The following ZNF704 variants were observed in gnomAD, a reference collection of about 807,000 sequenced individuals.
ZNF704 encodes the protein glucocorticoid induced gene 1.
ZNF704 carries 10 observed loss-of-function variants against 44.7 expected under a neutral mutation model. The observed-to-expected ratio is 0.22, with a 90% confidence interval of 0.14 to 0.38. ZNF704 has a LOEUF of 0.38. Among genes scored for constraint, ZNF704 ranks in the 10% least tolerant of loss-of-function variants. ZNF704 has a pLI of 1.00. For missense variants in ZNF704, 390 were observed against 545.5 expected (o/e 0.71, Z 2.84); for synonymous variants, 211 against 207.6 (o/e 1.02, Z -0.14).
At chr8:80,724,413 T>C (rs991091494) in intron 2 of ZNF704, among the ~76,000 whole-genome samples, 3 of 152,226 alleles carry the variant, frequency 2.0e-5, no homozygotes, top group Admixed American at 2.0e-4. Flanking sequence ...CATCCAACCA[T>C]ATACCTTTTC....
chr8:80,797,778 A>G (rs1401685632), intron 2 of ZNF704, among the ~76,000 whole-genome samples: 1 of 152,060 alleles, frequency 6.6e-6, no homozygotes, highest in African/African-American at 2.4e-5. Flanking sequence ...TCTCTTAATC[A>G]TCCCTTCTCT....
chr8:80,773,714 A>C (rs1401794621), intron 2 of ZNF704, among the ~76,000 whole-genome samples: 1 of 152,136 alleles, frequency 6.6e-6, no homozygotes, highest in Non-Finnish European at 1.5e-5. Flanking sequence ...CTGGATTGAC[A>C]GTTCTTTTCT....
intron 2 of ZNF704, among the ~76,000 whole-genome samples, chr8:80,803,154 G>A (rs766816011): frequency 3.5e-4 from 54 of 152,168 alleles, no homozygotes; most frequent in Admixed American, 1.2e-3. Context: ...ACTCTTCAAG[G>A]AGAAATACAA....
intron 3 of ZNF704, among the ~76,000 whole-genome samples, chr8:80,687,921 C>T (rs867183579): frequency 6.6e-6 from 1 of 152,108 alleles, no homozygotes; most frequent in Non-Finnish European, 1.5e-5. Flanking sequence ...AAAGGGATTT[C>T]TTAGCTGAGG....
rs1384276887 is a variant in ZNF704, at chr8:80,765,109, A to T, written c.221+56265T>A. 2.6e-5 allele frequency among the ~76,000 whole-genome samples: 4 copies of T among 152,204 alleles called. No homozygotes were observed. In the East Asian group the frequency reaches 7.7e-4, roughly 29 times the overall value. On this transcript the variant is annotated intron_variant, in intron 2 of 8. Coordinates refer to ENST00000327835, the MANE Select transcript of ZNF704 (RefSeq NM_001033723.3). ...CAGGGAAGCTAATGGTATAACTCTCAGTTTTAAGTCAAAATCCTCAGGCCT... is the reference window on the plus strand; with the variant it reads ...CAGGGAAGCTAATGGTATAACTCTCTGTTTTAAGTCAAAATCCTCAGGCCT...
At chr8:80,785,073 T>G (rs115536354) in intron 2 of ZNF704, among the ~76,000 whole-genome samples, 1,950 of 152,314 alleles carry the variant, frequency 0.013, 45 homozygotes, top group African/African-American at 0.044. Flanking sequence ...CCTTTCTCTG[T>G]TCCAGGGTCT....
At chr8:80,783,515 C>T (rs536421420) in intron 2 of ZNF704, among the ~76,000 whole-genome samples, 18 of 152,178 alleles carry the variant, frequency 1.2e-4, no homozygotes, top group South Asian at 6.2e-4. Flanking sequence ...CTTTGGATAA[C>T]GTGACTTCCA....
At chr8:80,729,980 A>T (rs1224572489) in intron 2 of ZNF704, among the ~76,000 whole-genome samples, 1 of 152,106 alleles carries the variant, frequency 6.6e-6, no homozygotes, top group African/African-American at 2.4e-5. Context: ...ATGTCTAGAG[A>T]ATTGTATGCC....
Position 80,768,760 on chromosome 8 carries a change from T to G in ZNF704, c.221+52614A>C, listed in dbSNP as rs73692133. Among the ~76,000 whole-genome samples, 246 of 152,268 alleles carry G rather than the reference T, an allele frequency of 1.6e-3. 2 individuals carry two copies. Among genetic ancestry groups the G allele is most frequent in the African/African-American group, 5.8e-3 (239 of 41,554 alleles). ...GATACATCTCTTCCCAACCCCGTGT[T>G]TAGACATGTCATTTTAGTAGCCTGA... On this transcript the variant is annotated intron_variant, in intron 2 of 8. Coordinates refer to ENST00000327835, the MANE Select transcript of ZNF704 (RefSeq NM_001033723.3).
intron 1 of ZNF704, among the ~76,000 whole-genome samples, chr8:80,860,498 T>C (rs1426566988): frequency 6.6e-5 from 10 of 152,240 alleles, no homozygotes; most frequent in Non-Finnish European, 5.9e-5. Flanking sequence ...CTTTCTCCTG[T>C]TGTTTTAGGG....
At chr8:80,802,755 A>T (rs2129800692) in intron 2 of ZNF704, among the ~76,000 whole-genome samples, 1 of 152,342 alleles carries the variant, frequency 6.6e-6, no homozygotes, top group Non-Finnish European at 1.5e-5. Flanking sequence ...CAAAAGCTGG[A>T]AGCATCCCCT....
At chr8:80,786,014 C>G (rs1470524343) in intron 2 of ZNF704, among the ~76,000 whole-genome samples, 2 of 152,148 alleles carry the variant, frequency 1.3e-5, no homozygotes, top group Non-Finnish European at 2.9e-5. Context: ...AATCCCAGCA[C>G]TTTGGGAGGC....
intron 2 of ZNF704, among the ~76,000 whole-genome samples, chr8:80,777,905 T>TAACCCAC (rs1807443131): frequency 6.7e-6 from 1 of 149,036 alleles, no homozygotes; most frequent in South Asian, 2.1e-4. Context: ...AAGAAGAAAG[T>TAACCCAC]AACCCACAAA....
At chr8:80,760,093 C>G (rs1321605489) in intron 2 of ZNF704, among the ~76,000 whole-genome samples, 1 of 152,260 alleles carries the variant, frequency 6.6e-6, no homozygotes, top group East Asian at 1.9e-4. Flanking sequence ...ATGAGAAAGA[C>G]CCTGATGAGC....
intron 2 of ZNF704, among the ~76,000 whole-genome samples, chr8:80,762,128 T>C (rs1361455656): frequency 6.6e-6 from 1 of 152,186 alleles, no homozygotes; most frequent in Non-Finnish European, 1.5e-5. Flanking sequence ...ATAAAATGAA[T>C]TAGATGTCTC....
At chr8:80,776,189 C>T (rs769426214) in intron 2 of ZNF704, among the ~76,000 whole-genome samples, 1 of 151,974 alleles carries the variant, frequency 6.6e-6, no homozygotes, top group Non-Finnish European at 1.5e-5. Flanking sequence ...TAGTTTTCAC[C>T]CTATCACTAT....
At chr8:80,830,135 C>T (rs140210004) in intron 1 of ZNF704, among the ~76,000 whole-genome samples, 3 of 151,870 alleles carry the variant, frequency 2.0e-5, no homozygotes, top group East Asian at 1.9e-4. Flanking sequence ...GCATATATAA[C>T]GTCGAGTCTT....
intron 1 of ZNF704, among the ~76,000 whole-genome samples, chr8:80,871,583 A>G (rs1809252779): frequency 6.6e-6 from 1 of 152,126 alleles, no homozygotes. Context: ...TATGTATTTG[A>G]TTGTTGCTAT....
chr8:80,656,609 C>T (rs181088507), intron 7 of ZNF704, among the ~76,000 whole-genome samples: 1 of 152,322 alleles, frequency 6.6e-6, no homozygotes, highest in East Asian at 1.9e-4. Flanking sequence ...TACACACCTC[C>T]GGGAAGAGGT....
Sources: allele counts gnomAD v4.1 joint callset (sites outside exome capture counted in the v4.1 genomes callset), GRCh38; gene constraint gnomAD v4.1.1; transcripts MANE v1.5; gene names NCBI Gene and HGNC (gene_info 2026-07-23, HGNC 2026-07-21).